NSMCE2: variants seen among roughly 807,000 people sequenced by gnomAD.
NSMCE2 encodes the protein NSE2 SUMO ligase component of SMC5/6 complex.
Under a neutral mutation model 23.8 loss-of-function variants are expected in NSMCE2, and 24 were observed. The observed-to-expected ratio is 1.01, with a 90% CI of 0.73 to 1.42. NSMCE2 has a LOEUF of 1.42. Ranked by LOEUF, NSMCE2 falls within the 40% of genes most tolerant of loss-of-function variation. NSMCE2 has a pLI of 0.00. For missense variants in NSMCE2, 284 were observed against 296.5 expected, an observed-to-expected ratio of 0.96 and a Z score of 0.31; for synonymous variants, 92 against 94.1, an observed-to-expected ratio of 0.98 and a Z score of 0.13.
chr8:125,159,503 GC>G (rs1275618985), intron 4 of NSMCE2, among the ~76,000 whole-genome samples: 1 of 152,162 alleles, frequency 6.6e-6, no homozygotes, highest in Non-Finnish European at 1.5e-5. Context: ...TTACTATAGA[GC>G]CCAGGAGTGT....
Position 125,182,127 on chromosome 8 carries a change from A to G in NSMCE2, c.289A>G (p.Ile97Val). The change falls in exon 5 of 8, where the codon ATA becomes GTA. Residue 97 changes from isoleucine (I) to valine (V), a missense_variant. Around this residue, in one of 2 missense-constraint regions of NSMCE2, gnomAD observed 182 missense variants for 155.5 expected, o/e 1.17. Coordinates refer to ENST00000287437, the MANE Select transcript of NSMCE2 (RefSeq NM_173685.4). ...NHVKEERPEK[I>V]PDLKLLVEKK... ...GGTGAAAGAAGAACGTCCAGAAAAA[A>G]TACCAGATTTAAAATTATTGGTAGA... is the stretch of plus-strand genomic sequence containing the variant. The G allele has an allele frequency of 6.3e-7, 1 of 1,598,928 alleles. No homozygotes were observed. The highest frequency in any genetic ancestry group is 8.5e-7 in the Non-Finnish European group (1 of 1,175,034).
At chr8:125,176,385 C>T (rs2130785291) in intron 4 of NSMCE2, among the ~76,000 whole-genome samples, 1 of 152,294 alleles carries the variant, frequency 6.6e-6, no homozygotes, top group Admixed American at 6.5e-5. Context: ...TGTTTCTTAA[C>T]TCTTACACTT....
chr8:125,124,758 A>T (rs1819433243), intron 3 of NSMCE2, among the ~76,000 whole-genome samples: 1 of 152,036 alleles, frequency 6.6e-6, no homozygotes, highest in African/African-American at 2.4e-5. Flanking sequence ...GATTATAGAC[A>T]TGAGCCACTG....
At chr8:125,203,088 C>T (rs74854706) in intron 5 of NSMCE2, among the ~76,000 whole-genome samples, 1 of 151,856 alleles carries the variant, frequency 6.6e-6, no homozygotes, top group Non-Finnish European at 1.5e-5. Context: ...TCACTATGTA[C>T]TCTGTGGGCC....
chr8:125,291,115 A>G (rs1828089059), intron 5 of NSMCE2, among the ~76,000 whole-genome samples: 1 of 152,184 alleles, frequency 6.6e-6, no homozygotes, highest in Admixed American at 6.5e-5. Context: ...GAAAGTTAAA[A>G]GGGGGAGAGG....
intron 5 of NSMCE2, among the ~76,000 whole-genome samples, chr8:125,267,009 T>C (rs1035349808): frequency 1.4e-5 from 2 of 141,924 alleles, no homozygotes; most frequent in African/African-American, 5.1e-5. Context: ...CTTTCTTTTT[T>C]TTTTTTTTTT....
chr8:125,102,539 G>A (rs1476374902), intron 3 of NSMCE2, 52 bp downstream of exon 3: 1 of 1,473,352 alleles, frequency 6.8e-7, no homozygotes, highest in East Asian at 2.3e-5. Flanking sequence ...ACACTGTGTG[G>A]TGGTATTTAT....
chr8:125,272,458 A>T (rs1270025428), intron 5 of NSMCE2, among the ~76,000 whole-genome samples: 3 of 150,852 alleles, frequency 2.0e-5, no homozygotes, highest in Non-Finnish European at 2.9e-5. Flanking sequence ...AAAAGAGTGG[A>T]GGTGACCAAA....
intron 5 of NSMCE2, among the ~76,000 whole-genome samples, chr8:125,256,296 A>AAG: frequency 6.6e-6 from 1 of 152,038 alleles, no homozygotes; most frequent in South Asian, 2.1e-4. Context: ...AAAAAAAAAA[A>AAG]AACTAACTGA....
At chr8:125,355,770 A>G (rs1296939492) in intron 5 of NSMCE2, among the ~76,000 whole-genome samples, 2 of 151,162 alleles carry the variant, frequency 1.3e-5, no homozygotes, top group Non-Finnish European at 1.5e-5. Flanking sequence ...TCTTTTCTTC[A>G]GAGAGAATGG....
intron 3 of NSMCE2, among the ~76,000 whole-genome samples, chr8:125,150,012 A>G (rs1204798784): frequency 6.6e-6 from 1 of 152,064 alleles, no homozygotes; most frequent in Admixed American, 6.6e-5. Flanking sequence ...TCTGCCTGAG[A>G]CCACCTCCCA....
At chr8:125,359,150 C>G (rs1257895399) in intron 7 of NSMCE2, among the ~76,000 whole-genome samples, 1 of 151,314 alleles carries the variant, frequency 6.6e-6, no homozygotes, top group Non-Finnish European at 1.5e-5. Context: ...GCCTACAGTC[C>G]CAGCTACTGG....
At chr8:125,176,720 G>A (rs998013844) in intron 4 of NSMCE2, among the ~76,000 whole-genome samples, 3 of 152,176 alleles carry the variant, frequency 2.0e-5, no homozygotes, top group Non-Finnish European at 2.9e-5. Context: ...ACCTCACAGC[G>A]ACACTATACA....
intron 5 of NSMCE2, among the ~76,000 whole-genome samples, chr8:125,285,955 G>A (rs1437070637): frequency 1.3e-5 from 2 of 151,898 alleles, no homozygotes; most frequent in East Asian, 3.9e-4. Flanking sequence ...CAAAACTTGA[G>A]CCCTTGGCCA....
intron 5 of NSMCE2, among the ~76,000 whole-genome samples, chr8:125,331,444 A>G (rs1311475459): frequency 6.6e-6 from 1 of 152,252 alleles, no homozygotes; most frequent in Non-Finnish European, 1.5e-5. Context: ...GCTTGTGAAC[A>G]TTAGATAATA....
chr8:125,174,764 C>T (rs1822395887), intron 4 of NSMCE2, among the ~76,000 whole-genome samples: 1 of 152,194 alleles, frequency 6.6e-6, no homozygotes, highest in Admixed American at 6.5e-5. Context: ...AACACCTTGG[C>T]AAACCGTGAA....
chr8:125,153,803 G>C (rs2130693628), intron 4 of NSMCE2, among the ~76,000 whole-genome samples: 1 of 152,252 alleles, frequency 6.6e-6, no homozygotes, highest in Admixed American at 6.5e-5. Flanking sequence ...TGATGGGGCT[G>C]TAAGATAATA....
chr8:125,309,326 T>C (rs991891383), intron 5 of NSMCE2, among the ~76,000 whole-genome samples: 3 of 151,720 alleles, frequency 2.0e-5, no homozygotes, highest in Admixed American at 6.6e-5. Context: ...GTTTAATCAG[T>C]GTATAAAAAT....
chr8:125,344,061 C>A (rs1830347123), intron 5 of NSMCE2, among the ~76,000 whole-genome samples: 1 of 152,088 alleles, frequency 6.6e-6, no homozygotes, highest in Non-Finnish European at 1.5e-5. Flanking sequence ...CTAGAAAATA[C>A]AAGGGATTGA....
Sources: gnomAD v4.1 joint callset for allele counts (sites outside exome capture counted in the v4.1 genomes callset) on GRCh38, gnomAD v4.1.1 for gene constraint, gnomAD v4.1.1 regional missense constraint, MANE v1.5 for transcripts, NCBI Gene and HGNC (gene_info 2026-07-23, HGNC 2026-07-21) for gene names.